DNAH12: variants seen among roughly 807,000 people sequenced by gnomAD.
DNAH12 encodes dynein axonemal heavy chain 12, also known as axonemal beta dynein heavy chain 12.
In DNAH12, 285 loss-of-function variants were observed where a neutral mutation model predicts 371.5. The ratio of observed to expected loss-of-function variants is 0.77; its 90% CI spans 0.70 to 0.85. The LOEUF is 0.85. Among genes scored for constraint, DNAH12 ranks in the 40% least tolerant of loss-of-function variants. The probability of loss-of-function intolerance (pLI) is 0.00; values close to 1 mark genes in which losing one functional copy is unlikely to be tolerated. For synonymous variants in DNAH12, 1,200 were observed against 1,213.0 expected (o/e 0.99, Z 0.22); for missense variants, 3,611 against 3,689.4 (o/e 0.98, Z 0.55).
chr3:57,469,947 C>T (rs1447653), intron 16 of DNAH12, among the ~76,000 whole-genome samples: 101,584 of 151,862 alleles, frequency 0.67, 34,229 homozygotes, highest in South Asian at 0.75. Context: ...AATATACCCA[C>T]GAAACAAACC....
intron 2 of DNAH12, 139 bp from the exon 3 acceptor site, chr3:57,524,023 C>T (rs2068546107): frequency 2.0e-6 from 1 of 504,756 alleles, no homozygotes; most frequent in Non-Finnish European, 3.3e-6. Flanking sequence ...AGAAACAAAT[C>T]CCAATAGACA....
At chr3:57,487,323 A>AAGGG (rs201041126) in intron 12 of DNAH12, among the ~76,000 whole-genome samples, 13,449 of 103,340 alleles carry the variant, frequency 0.13, 1,048 homozygotes, top group Non-Finnish European at 0.15. Flanking sequence ...GAGAGAGAGA[A>AAGGG]AGGGAGGGAG....
At chr3:57,430,428 ATG>A (rs1167557579) in intron 32 of DNAH12, among the ~76,000 whole-genome samples, 2 of 152,138 alleles carry the variant, frequency 1.3e-5, no homozygotes, top group Admixed American at 1.3e-4. Flanking sequence ...TGTACCAGAA[ATG>A]TCTTTTCAAT....
chr3:57,466,766 G>A (rs765733276), intron 17 of DNAH12, among the ~76,000 whole-genome samples: 4 of 151,324 alleles, frequency 2.6e-5, no homozygotes, highest in Admixed American at 1.3e-4. Flanking sequence ...ATTTTTTTTT[G>A]AGACAGGGTC....
chr3:57,540,856 GGAGGTT>G (rs1402315214), intron 2 of DNAH12, among the ~76,000 whole-genome samples: 1 of 151,936 alleles, frequency 6.6e-6, no homozygotes, highest in Non-Finnish European at 1.5e-5. Flanking sequence ...CGAGAGTCCA[GGAGGTT>G]GAGGCTCCAG....
intron 55 of DNAH12, among the ~76,000 whole-genome samples, chr3:57,373,318 ATTT>A (rs36162551): frequency 1.6e-4 from 23 of 144,282 alleles, no homozygotes; most frequent in East Asian, 6.0e-4. Context: ...TACTCAACTG[ATTT>A]TTTTTTTTTT....
At chr3:57,380,413 T>C (rs1559601272) in intron 50 of DNAH12, 46 bp from the exon 51 acceptor site, 1 of 152,198 alleles carries the variant, frequency 6.6e-6, no homozygotes, top group Admixed American at 6.5e-5. Flanking sequence ...CAACTAAAAA[T>C]GCTAGATGCA....
intron 25 of DNAH12, among the ~76,000 whole-genome samples, chr3:57,447,440 A>AG (rs1304457562): frequency 3.3e-5 from 5 of 152,180 alleles, no homozygotes; most frequent in Non-Finnish European, 5.9e-5. Flanking sequence ...AACTTCTTTT[A>AG]GAAAAAGTAC....
At chr3:57,555,266 C>T in the DNAH12 span, among the ~76,000 whole-genome samples, 1 of 151,962 alleles carries the variant, frequency 6.6e-6, no homozygotes, top group Admixed American at 6.6e-5. Context: ...ATAAAATAAA[C>T]AGATAAACAA....
chr3:57,528,889 A>C lies in DNAH12; in HGVS notation c.171-5005T>G, dbSNP rs1388376003. Among the ~76,000 whole-genome samples the C allele has an allele frequency of 3.3e-5, 5 of 151,430 alleles. No homozygotes were observed. The East Asian group carries it at 7.9e-4, about 24-fold the overall frequency. ...ATCTTCGCTCACTGTAACCTCTGCC[A>C]TCTGGGTTCTAAGCAATTCTCCTGT... On this transcript the variant is annotated intron_variant, in intron 2 of 73. Coordinates refer to ENST00000495027, the MANE Select transcript of DNAH12 (RefSeq NM_001366028.2).
intron 11 of DNAH12, among the ~76,000 whole-genome samples, chr3:57,500,971 C>T (rs1440549189): frequency 6.6e-6 from 1 of 152,056 alleles, no homozygotes; most frequent in Non-Finnish European, 1.5e-5. Context: ...CGTAGAGACA[C>T]GGTCTCACTA....
In DNAH12 at chr3:57,542,598, TA is replaced by T. The variant is rs2153403904; in HGVS notation, c.170+102del. 3.9e-6 allele frequency: 5 copies of T among 1,282,366 alleles called. No homozygotes were observed. In the Admixed American group the frequency reaches 1.4e-4, roughly 37 times the overall value. 79.4% of individuals were successfully genotyped at this position (1,282,366 alleles called of 1,614,324 possible). A position where few individuals can be genotyped will look rare whatever the true frequency, so the allele number is the denominator to read the frequency against. On this transcript the variant is annotated intron_variant, in intron 2 of 73. Transcript: ENST00000495027. ...TCTAATTAACTTGAAAATAGTATTT[TA>T]CCCATGAACAACCTCCACAGTTAAA...
intron 25 of DNAH12, among the ~76,000 whole-genome samples, chr3:57,447,308 T>G (rs1251936519): frequency 6.6e-6 from 1 of 152,220 alleles, no homozygotes; most frequent in South Asian, 2.1e-4. Context: ...AATGACAATA[T>G]CAGCAGTATT....
At chr3:57,448,458 C>T (rs2065610680) in intron 25 of DNAH12, among the ~76,000 whole-genome samples, 2 of 152,158 alleles carry the variant, frequency 1.3e-5, no homozygotes, top group South Asian at 4.1e-4. Context: ...TTGTTCGTTC[C>T]TCCCAGGGGG....
intron 39 of DNAH12, among the ~76,000 whole-genome samples, chr3:57,410,187 T>C (rs2064157211): frequency 6.6e-6 from 1 of 152,198 alleles, no homozygotes; most frequent in African/African-American, 2.4e-5. Context: ...TTTTACAATC[T>C]GAAAAAGTTT....
Position 57,346,080 on chromosome 3 carries a change from G to A in DNAH12, c.9674+6005C>T, listed in dbSNP as rs150126891. Among the ~76,000 whole-genome samples, 801 of 152,212 alleles carry A rather than the reference G, an allele frequency of 5.3e-3. 10 individuals carry two copies. The highest frequency in any genetic ancestry group is 0.019 in the African/African-American group (779 of 41,552). ...TTCCTAGCACAAAGAAATGATAAAT[G>A]TTTGAGATGATGGATATGCTCATTA... On this transcript the variant is annotated intron_variant, in intron 60 of 73. Coordinates refer to ENST00000495027, the MANE Select transcript of DNAH12 (RefSeq NM_001366028.2).
At chr3:57,503,531 G>A (rs1559729221) in intron 9 of DNAH12, among the ~76,000 whole-genome samples, 2 of 151,962 alleles carry the variant, frequency 1.3e-5, no homozygotes, top group Admixed American at 6.6e-5. Flanking sequence ...TGGGAGTACA[G>A]GCACGCGCCA....
At chr3:57,326,317 G>A (rs1457000838) in intron 62 of DNAH12, among the ~76,000 whole-genome samples, 11 of 151,830 alleles carry the variant, frequency 7.2e-5, no homozygotes, top group Admixed American at 2.6e-4. Flanking sequence ...GAGAAAGGTC[G>A]GGTTACCCAC....
At chr3:57,462,603 C>G in intron 18 of DNAH12, 87 bp downstream of exon 18, 1 of 1,458,100 alleles carries the variant, frequency 6.9e-7, no homozygotes, top group Non-Finnish European at 9.2e-7. Flanking sequence ...CTATCCAGTA[C>G]TATACACATT....
Sources: gnomAD v4.1 joint callset for allele counts (sites outside exome capture counted in the v4.1 genomes callset) on GRCh38, gnomAD v4.1.1 for gene constraint, MANE v1.5 for transcripts, NCBI Gene and HGNC (gene_info 2026-07-23, HGNC 2026-07-21) for gene names.